The following FER variants were observed in gnomAD, a reference collection of about 807,000 sequenced individuals.
The protein encoded by FER is FER tyrosine kinase.
FER carries 63 observed loss-of-function variants against 111.0 expected under a neutral mutation model. That is an observed-to-expected ratio of 0.57 (90% CI 0.46 to 0.70). FER has a LOEUF of 0.70. FER is among the 30% of genes least tolerant of loss of function. The pLI is 0.00. For missense variants in FER, 914 were observed against 954.0 expected (o/e 0.96, Z 0.55); for synonymous variants, 327 against 313.9 (o/e 1.04, Z -0.44).
intron 16 of FER, among the ~76,000 whole-genome samples, chr5:109,082,043 A>C (rs1175434127): frequency 3.0e-5 from 4 of 131,212 alleles, no homozygotes; most frequent in Non-Finnish European, 1.7e-5. Flanking sequence ...TAGTTTATGT[A>C]TGAAATTTGA....
intron 13 of FER, among the ~76,000 whole-genome samples, chr5:109,023,802 T>G (rs1007641294): frequency 6.6e-6 from 1 of 152,112 alleles, no homozygotes; most frequent in African/African-American, 2.4e-5. Context: ...GTTGATTGAA[T>G]GAATGAATGA....
intron 16 of FER, among the ~76,000 whole-genome samples, chr5:109,047,880 C>A (rs887075247): frequency 2.0e-5 from 3 of 152,114 alleles, no homozygotes; most frequent in African/African-American, 7.2e-5. Context: ...ACTTTCAACA[C>A]CTTTATGTTA....
chr5:108,752,815 C>T (rs1230406243), intron 1 of FER, among the ~76,000 whole-genome samples: 1 of 151,978 alleles, frequency 6.6e-6, no homozygotes, highest in African/African-American at 2.4e-5. Context: ...TCATATCAGA[C>T]AATTACTAAT....
intron 17 of FER, among the ~76,000 whole-genome samples, chr5:109,143,853 AAT>A (rs1242453466): frequency 2.7e-5 from 4 of 149,830 alleles, no homozygotes; most frequent in Non-Finnish European, 3.0e-5. Flanking sequence ...TTTGCAGCAA[AAT>A]ATATATATAT....
At chr5:108,752,951 A>G (rs1440894099) in intron 1 of FER, among the ~76,000 whole-genome samples, 1 of 152,032 alleles carries the variant, frequency 6.6e-6, no homozygotes, top group Non-Finnish European at 1.5e-5. Flanking sequence ...AAGAGGAGCC[A>G]TTTATTTTAG....
Position 109,048,642 on chromosome 5 carries a change from A to G in FER, c.1924+1444A>G, listed in dbSNP as rs141412230. ...TATATTTTTTAAATGAATAAGAATA[A>G]TAAACTTCATTAGAAAATTGAAAAT... On this transcript the variant is annotated intron_variant, in intron 16 of 19. Transcript: ENST00000281092. 2.0e-3 allele frequency among the ~76,000 whole-genome samples: 307 copies of G among 152,328 alleles called. 1 individual carries two copies. Among genetic ancestry groups the G allele is most frequent in the African/African-American group, 7.0e-3 (290 of 41,576 alleles).
At chr5:109,185,579 C>T (rs974561027) in intron 18 of FER, among the ~76,000 whole-genome samples, 2 of 152,134 alleles carry the variant, frequency 1.3e-5, no homozygotes, top group East Asian at 1.9e-4. Flanking sequence ...CCATCTATCT[C>T]ATTCAGATAC....
intron 5 of FER, among the ~76,000 whole-genome samples, chr5:108,858,149 G>A (rs974849909): frequency 3.3e-5 from 5 of 152,114 alleles, no homozygotes; most frequent in African/African-American, 1.2e-4. Context: ...GATACACTGA[G>A]GGGTTCACAT....
intron 13 of FER, among the ~76,000 whole-genome samples, chr5:109,018,952 CT>C (rs963600277): frequency 6.6e-6 from 1 of 151,436 alleles, no homozygotes; most frequent in African/African-American, 2.4e-5. Flanking sequence ...TGAGAATTCA[CT>C]TAGGTAACAA....
chr5:109,104,841 C>T (rs932733661), intron 17 of FER, among the ~76,000 whole-genome samples: 1 of 151,922 alleles, frequency 6.6e-6, no homozygotes, highest in Non-Finnish European at 1.5e-5. Context: ...CTCCCAGGTT[C>T]ACGCCATTCT....
chr5:108,830,788 C>A (rs1218424600), intron 3 of FER: 3 of 152,212 alleles, frequency 2.0e-5, no homozygotes, highest in African/African-American at 7.2e-5. Flanking sequence ...GGAGCTGGGA[C>A]TTCTGCAGAA....
intron 17 of FER, among the ~76,000 whole-genome samples, chr5:109,151,458 G>GA (rs1195935918): frequency 4.6e-5 from 7 of 152,190 alleles, no homozygotes; most frequent in Middle Eastern, 3.4e-3. Flanking sequence ...TAAAAGATGA[G>GA]AAAAATATGC....
intron 13 of FER, among the ~76,000 whole-genome samples, chr5:108,995,065 G>A (rs1396881663): frequency 6.6e-6 from 1 of 152,044 alleles, no homozygotes; most frequent in African/African-American, 2.4e-5. Flanking sequence ...AACAGAGGTA[G>A]TTTGACTTCC....
rs1337713990 is a variant in FER at position 108,835,184 on chromosome 5, ACC to A, written c.382-512_382-511del. ...GCAGTGTTATTTCTTCGTTTGCGCC[ACC>A]CCCCCCCCCCCACTTTTTTTTTGAG... On this transcript the variant is annotated intron_variant, in intron 4 of 19. Coordinates refer to ENST00000281092, the MANE Select transcript of FER (RefSeq NM_005246.4). Among the ~76,000 whole-genome samples the A allele has an allele frequency of 3.5e-4, 10 of 28,888 alleles. 2 individuals carry two copies. The highest frequency in any genetic ancestry group is 8.9e-4 in the East Asian group (1 of 1,120). 19.0% of individuals were successfully genotyped at this position (28,888 alleles called of 152,430 possible). A position where few individuals can be genotyped will look rare whatever the true frequency, so the allele number is the denominator to read the frequency against.
intron 18 of FER, among the ~76,000 whole-genome samples, chr5:109,184,200 G>A (rs537782321): frequency 2.8e-4 from 42 of 152,274 alleles, no homozygotes; most frequent in African/African-American, 9.6e-4. Flanking sequence ...ATTTGGGGCT[G>A]ATATATCCTC....
intron 11 of FER, among the ~76,000 whole-genome samples, chr5:108,947,218 G>C (rs1757104966): frequency 6.6e-6 from 1 of 151,966 alleles, no homozygotes; most frequent in Non-Finnish European, 1.5e-5. Flanking sequence ...CCCAGGAGTA[G>C]AATTTCTGGG....
intron 10 of FER, among the ~76,000 whole-genome samples, chr5:108,908,418 G>A (rs1244787977): frequency 2.0e-5 from 3 of 152,038 alleles, no homozygotes; most frequent in East Asian, 1.9e-4. Context: ...GTTTTTGGGT[G>A]CTCATTAAAA....
At chr5:109,069,354 AAGTT>A (rs1170833349) in intron 16 of FER, among the ~76,000 whole-genome samples, 31 of 152,176 alleles carry the variant, frequency 2.0e-4, no homozygotes, top group Non-Finnish European at 3.7e-4. Flanking sequence ...AGGCAAATCA[AAGTT>A]AGACGACACA....
At chr5:108,814,472 A>G (rs1258220959) in intron 3 of FER, among the ~76,000 whole-genome samples, 1 of 152,222 alleles carries the variant, frequency 6.6e-6, no homozygotes, top group Admixed American at 6.5e-5. Flanking sequence ...TGTATACAGG[A>G]TAAAAAAAGA....
Sources: allele counts gnomAD v4.1 joint callset (sites outside exome capture counted in the v4.1 genomes callset), GRCh38; gene constraint gnomAD v4.1.1; transcripts MANE v1.5; gene names NCBI Gene and HGNC (gene_info 2026-07-23, HGNC 2026-07-21).